The following VPS26C variants were observed in gnomAD, a reference collection of about 807,000 sequenced individuals.
The protein encoded by VPS26C is VPS26 endosomal protein sorting factor C.
A neutral mutation model predicts 30.6 loss-of-function variants in VPS26C; 19 were observed. The ratio of observed to expected loss-of-function variants is 0.62; its 90% CI spans 0.43 to 0.91. The LOEUF (loss-of-function observed/expected upper bound fraction) is 0.91, where lower values mean the gene tolerates loss of function less well. Among genes scored for constraint, VPS26C ranks in the 40% least tolerant of loss-of-function variants. VPS26C has a pLI of 0.00. For synonymous variants in VPS26C, 132 were observed against 151.5 expected (o/e 0.87, Z 0.95); for missense variants, 318 against 385.1 (o/e 0.83, Z 1.46).
intron 5 of VPS26C, chr21:37,231,774 G>A (rs559348027): frequency 1.6e-4 from 25 of 153,206 alleles, no homozygotes; most frequent in Non-Finnish European, 2.9e-4. Flanking sequence ...GCAGCTCGAG[G>A]GACCAGCTGA....
At chr21:37,231,620 A>G (rs1253934744) in intron 5 of VPS26C, 2 of 152,400 alleles carry the variant, frequency 1.3e-5, no homozygotes, top group African/African-American at 4.8e-5. Flanking sequence ...CAGCAGAATA[A>G]AGAATTAGAG....
At chr21:37,241,612 G>GT (rs2086088302) in intron 1 of VPS26C, among the ~76,000 whole-genome samples, 1 of 152,176 alleles carries the variant, frequency 6.6e-6, no homozygotes. Flanking sequence ...GAGCCTAGGA[G>GT]TTTGAGACCA....
chr21:37,228,104 G>C, intron 6 of VPS26C, 119 bp downstream of exon 6: 1 of 1,411,130 alleles, frequency 7.1e-7, no homozygotes, highest in East Asian at 2.3e-5. Context: ...CTCCTGAGTA[G>C]CTGGGATTAC....
chr21:37,258,917 A>G (rs1317017882), intron 1 of VPS26C, among the ~76,000 whole-genome samples: 4 of 152,354 alleles, frequency 2.6e-5, no homozygotes, highest in Non-Finnish European at 5.9e-5. Flanking sequence ...GTTTTCAGAC[A>G]ATCTCGGATA....
In VPS26C at chr21:37,240,570, T is replaced by C; in HGVS notation, c.127A>G (p.Met43Val). The C allele has an allele frequency of 6.2e-7, 1 of 1,614,214 alleles. No homozygotes were observed. Among genetic ancestry groups the C allele is most frequent in the South Asian group, 1.1e-5 (1 of 91,084 alleles). Residue 43 changes from methionine (M) to valine (V), a missense_variant, in exon 2 of 8, where the codon ATG (methionine) becomes GTG (valine). Physicochemically the swap from Met to Val is conservative, Grantham distance 21 (BLOSUM62 1). Transcript: ENST00000309117. ...SVQHQGVSLT[M>V]EGTVNLQLSA... ...AGCTGGAGGTTTACAGTTCCTTCCA[T>C]GGTCAAAGACACTCCCTGGTGTTGG...
intron 1 of VPS26C, among the ~76,000 whole-genome samples, chr21:37,245,096 C>T (rs889245638): frequency 6.6e-6 from 1 of 152,168 alleles, no homozygotes; most frequent in Non-Finnish European, 1.5e-5. Context: ...AAATTCATCT[C>T]CTGCAAGGAG....
intron 1 of VPS26C, among the ~76,000 whole-genome samples, chr21:37,245,382 C>T (rs1233180769): frequency 6.6e-6 from 1 of 152,200 alleles, no homozygotes; most frequent in Non-Finnish European, 1.5e-5. Flanking sequence ...CCTGCCCTGG[C>T]CCCCTTGCCA....
At position 37,257,530 on chromosome 21, in the gene VPS26C, G is replaced by A; in HGVS notation, c.57+9708C>T. ...TGGGGTGGGGGTGTAGCCACATGCAGTAAAAGCACTGCCTGTCTGTATAAC... is the reference window on the plus strand; with the variant it reads ...TGGGGTGGGGGTGTAGCCACATGCAATAAAAGCACTGCCTGTCTGTATAAC... On this transcript the variant is annotated intron_variant, in intron 1 of 7. Coordinates refer to ENST00000309117, the MANE Select transcript of VPS26C (RefSeq NM_006052.2). The surrounding 1 kb of genome is among the most constrained non-coding windows in gnomAD (Gnocchi z 4.2). 6.6e-6 allele frequency among the ~76,000 whole-genome samples: 1 copy of A among 152,372 alleles called. No homozygotes were observed. The highest frequency in any genetic ancestry group is 1.9e-4 in the East Asian group (1 of 5,190).
chr21:37,229,269 A>C lies in VPS26C; in HGVS notation c.508-896T>G, dbSNP rs1275806504. On this transcript the variant is annotated intron_variant, in intron 5 of 7. Coordinates refer to ENST00000309117, the MANE Select transcript of VPS26C (RefSeq NM_006052.2). Reference sequence around the variant, plus strand: ...AGAATTGTCTTGGGTCACACATAAAATATATTAACACTAATGATAGCTGAT... The same window carrying C: ...AGAATTGTCTTGGGTCACACATAAACTATATTAACACTAATGATAGCTGAT... 5.2e-5 allele frequency: 8 copies of C among 152,974 alleles called. No homozygotes were observed. In the East Asian group the frequency reaches 9.6e-4, roughly 18 times the overall value. The allele number at this position is 152,974 out of a possible 1,614,324, so 9.5% of individuals were successfully genotyped here. A position where few individuals can be genotyped will look rare whatever the true frequency, so the allele number is the denominator to read the frequency against.
intron 1 of VPS26C, 32 bp downstream of exon 1, chr21:37,267,206 C>CCCCACCAA: frequency 1.6e-5 from 15 of 962,926 alleles, no homozygotes; most frequent in East Asian, 2.5e-5. Flanking sequence ...CGCCCAACCC[C>CCCCACCAA]ACCTCCATCC....
At chr21:37,253,018 A>G (rs2086208990) in intron 1 of VPS26C, among the ~76,000 whole-genome samples, 1 of 152,186 alleles carries the variant, frequency 6.6e-6, no homozygotes, top group Admixed American at 6.5e-5. Flanking sequence ...TACTGTTTGT[A>G]ATTATACCTG....
chr21:37,264,233 T>C (rs1240885690), intron 1 of VPS26C, among the ~76,000 whole-genome samples: 1 of 152,256 alleles, frequency 6.6e-6, no homozygotes, highest in Non-Finnish European at 1.5e-5. Context: ...ATTCACCATA[T>C]AAGGTTTCCT....
Position 37,228,369 on chromosome 21 carries a change from G to T in VPS26C, c.512C>A (p.Ala171Asp). 2 of 1,614,042 alleles carry T rather than the reference G, an allele frequency of 1.2e-6. No individual in the cohort carries two copies. The highest frequency in any genetic ancestry group is 2.2e-5 in the South Asian group (2 of 91,084). ...PETLQNVKER[A>D]LLPKFLLRGH... ...TCGAAGGAGAAATTTGGGAAGCAAA[G>T]CTCTCTAAAACAAAATGAAAACAAA... The change falls in exon 6 of 8, where the codon GCT (alanine) becomes GAT (aspartate). Residue 171 changes from alanine (A) to aspartate (D), a missense_variant. By Grantham distance (126) the Ala-to-Asp change is moderately radical. Coordinates refer to ENST00000309117, the MANE Select transcript of VPS26C (RefSeq NM_006052.2).
chr21:37,228,478 A>G (rs1418336233), intron 5 of VPS26C, 105 bp from the exon 6 acceptor site: 28 of 1,277,388 alleles, frequency 2.2e-5, no homozygotes, highest in Middle Eastern at 1.9e-4. Flanking sequence ...TAGTGGTTAC[A>G]CAGTCCACCG....
intron 5 of VPS26C, chr21:37,230,444 T>G (rs968112833): frequency 6.6e-6 from 1 of 152,250 alleles, no homozygotes; most frequent in African/African-American, 2.4e-5. Context: ...TCTTTTCTAC[T>G]TAAAAATCTA....
chr21:37,228,141 C>T, intron 6 of VPS26C, 82 bp downstream of exon 6: 1 of 1,544,398 alleles, frequency 6.5e-7, no homozygotes, highest in Non-Finnish European at 8.7e-7. Context: ...GCCCAGCCCC[C>T]CAGCATCCTC....
upstream of VPS26C, chr21:37,267,569 C>T (rs2086382804): frequency 1.9e-6 from 1 of 531,616 alleles, no homozygotes; most frequent in Non-Finnish European, 3.3e-6. Context: ...CCAAGCTAGC[C>T]CCACCCCTTC....
chr21:37,225,892 AACT>A (rs1403987829), intron 7 of VPS26C: 1 of 523,074 alleles, frequency 1.9e-6, no homozygotes, highest in East Asian at 3.1e-5. Flanking sequence ...AGGCTTCACC[AACT>A]ACACTTTCCC....
At chr21:37,237,965 A>C (rs372805569) in intron 3 of VPS26C, among the ~76,000 whole-genome samples, 2 of 152,320 alleles carry the variant, frequency 1.3e-5, no homozygotes, top group East Asian at 1.9e-4. Context: ...CAACAACAGC[A>C]GACTGTCAAA....
Sources: gnomAD v4.1 joint callset for allele counts (sites outside exome capture counted in the v4.1 genomes callset) on GRCh38, gnomAD v4.1.1 for gene constraint, Gnocchi (gnomAD v3.1) non-coding constraint, MANE v1.5 for transcripts, NCBI Gene and HGNC (gene_info 2026-07-23, HGNC 2026-07-21) for gene names.